ZCCHC7: variants seen among roughly 807,000 people sequenced by gnomAD.
ZCCHC7 encodes the protein zinc finger CCHC-type containing 7.
Under a neutral mutation model 52.0 loss-of-function variants are expected in ZCCHC7, and 35 were observed. That is an observed-to-expected ratio of 0.67 (90% CI 0.51 to 0.89). The LOEUF (loss-of-function observed/expected upper bound fraction) is 0.89. Among genes scored for constraint, ZCCHC7 ranks in the 40% least tolerant of loss-of-function variants. ZCCHC7 has a pLI of 0.00. For missense variants in ZCCHC7, 574 were observed against 649.1 expected (o/e 0.88, Z 1.26); for synonymous variants, 217 against 221.5 (o/e 0.98, Z 0.18).
At position 37,126,385 on chromosome 9, in the gene ZCCHC7, G is replaced by T; in HGVS notation, c.53G>T (p.Arg18Leu). The T allele has an allele frequency of 6.2e-7, 1 of 1,613,992 alleles. No individual in the cohort carries two copies. The highest frequency in any genetic ancestry group is 1.7e-5 in the Admixed American group (1 of 60,018). The change falls in exon 2 of 9, where the codon CGA becomes CTA. Residue 18 changes from arginine (R) to leucine (L), a missense_variant. This residue lies in a region of ZCCHC7 where 403 missense variants were observed against 461.2 expected (regional missense o/e 0.87). Transcript: ENST00000336755. ...TIEAYEDDLY[R>L]DESSSELSVD... ...GAAGCATACGAAGATGATCTTTATC[G>T]AGATGAGTCATCTAGTGAACTGAGT...
At chr9:37,252,540 A>G (rs919709112) in intron 2 of ZCCHC7, among the ~76,000 whole-genome samples, 2 of 152,224 alleles carry the variant, frequency 1.3e-5, no homozygotes, top group Admixed American at 1.3e-4. Flanking sequence ...GTCACATACA[A>G]AATGTAAACA....
chr9:37,227,049 A>G (rs1020469269), intron 2 of ZCCHC7, among the ~76,000 whole-genome samples: 2 of 148,776 alleles, frequency 1.3e-5, no homozygotes, highest in Middle Eastern at 3.4e-3. Flanking sequence ...AAAAAAAACC[A>G]GGATATCTGA....
chr9:37,137,042 A>G lies in ZCCHC7; in HGVS notation c.610+10100A>G, dbSNP rs186161968. On this transcript the variant is annotated intron_variant, in intron 2 of 8. Coordinates refer to ENST00000336755, the MANE Select transcript of ZCCHC7 (RefSeq NM_032226.3). ...TTGAACTTAATTCTGAAATCTTAAAATCTTTCCAAATATTATTTACTGGGT... is the reference window on the plus strand; with the variant it reads ...TTGAACTTAATTCTGAAATCTTAAAGTCTTTCCAAATATTATTTACTGGGT... 8.5e-5 allele frequency among the ~76,000 whole-genome samples: 13 copies of G among 152,306 alleles called. No individual in the cohort carries two copies. In the East Asian group the frequency reaches 2.3e-3, roughly 27 times the overall value.
chr9:37,218,624 C>A (rs1463982097), intron 2 of ZCCHC7, among the ~76,000 whole-genome samples: 1 of 152,110 alleles, frequency 6.6e-6, no homozygotes, highest in Non-Finnish European at 1.5e-5. Flanking sequence ...GCTTGGCCAA[C>A]ATGGTGAAAC....
chr9:37,181,502 TGTG>T (rs1416081654), intron 2 of ZCCHC7, among the ~76,000 whole-genome samples: 1 of 152,204 alleles, frequency 6.6e-6, no homozygotes, highest in Non-Finnish European at 1.5e-5. Flanking sequence ...ACATACAAAA[TGTG>T]GTATATTCTT....
Position 37,345,748 on chromosome 9 carries a change from G to A in ZCCHC7, c.988-3609G>A, listed in dbSNP as rs916767029. Among the ~76,000 whole-genome samples the A allele has an allele frequency of 2.7e-5, 4 of 150,942 alleles. No homozygotes were observed. In the East Asian group the frequency reaches 7.8e-4, roughly 29 times the overall value. ...AAAAAAAAAAAAACTCTTGTTTAAT[G>A]ACTTTTAGCTAGTCTTAATTTATGA... On this transcript the variant is annotated intron_variant, in intron 6 of 8. Coordinates refer to ENST00000336755, the MANE Select transcript of ZCCHC7 (RefSeq NM_032226.3).
At chr9:37,314,720 T>C (rs953912870) in intron 5 of ZCCHC7, among the ~76,000 whole-genome samples, 5 of 143,312 alleles carry the variant, frequency 3.5e-5, no homozygotes, top group African/African-American at 1.3e-4. Context: ...AAGTCCAACC[T>C]GGGCAACATA....
At chr9:37,134,341 G>T (rs993906176) in intron 2 of ZCCHC7, among the ~76,000 whole-genome samples, 2 of 151,990 alleles carry the variant, frequency 1.3e-5, no homozygotes, top group African/African-American at 4.8e-5. Context: ...TGCTTAACAT[G>T]TTCTACTGTC....
At chr9:37,320,506 A>T (rs1054208213) in intron 5 of ZCCHC7, among the ~76,000 whole-genome samples, 3 of 152,216 alleles carry the variant, frequency 2.0e-5, no homozygotes, top group Admixed American at 2.0e-4. Flanking sequence ...GTTGTGTTCC[A>T]GTCTATAGAC....
At chr9:37,247,300 T>G (rs1027465758) in intron 2 of ZCCHC7, among the ~76,000 whole-genome samples, 1 of 152,222 alleles carries the variant, frequency 6.6e-6, no homozygotes, top group Non-Finnish European at 1.5e-5. Context: ...CAAGTAACTT[T>G]CCTGAAGTCT....
intron 2 of ZCCHC7, among the ~76,000 whole-genome samples, chr9:37,233,936 T>C (rs879382076): frequency 1.6e-4 from 25 of 152,102 alleles, no homozygotes; most frequent in African/African-American, 2.9e-4. Context: ...TCACTGCAAC[T>C]TACACCTCAT....
chr9:37,235,462 C>T (rs1184052010), intron 2 of ZCCHC7, among the ~76,000 whole-genome samples: 1 of 148,612 alleles, frequency 6.7e-6, no homozygotes, highest in Non-Finnish European at 1.5e-5. Context: ...CCTTTCTTTC[C>T]TTCCTTTCCT....
intron 6 of ZCCHC7, among the ~76,000 whole-genome samples, chr9:37,340,132 T>C (rs1418816920): frequency 2.6e-5 from 4 of 152,170 alleles, no homozygotes; most frequent in African/African-American, 7.2e-5. Flanking sequence ...AAAAGGGTTA[T>C]GTAAAATGAC....
chr9:37,188,374 C>T (rs974366764), intron 2 of ZCCHC7, among the ~76,000 whole-genome samples: 29 of 151,726 alleles, frequency 1.9e-4, no homozygotes, highest in Admixed American at 1.5e-3. Flanking sequence ...AGTCTGGTCT[C>T]GAACTCCTGG....
chr9:37,165,800 A>C (rs2132942266), intron 2 of ZCCHC7, among the ~76,000 whole-genome samples: 1 of 152,322 alleles, frequency 6.6e-6, no homozygotes, highest in Admixed American at 6.5e-5. Flanking sequence ...CTGTTCTTGG[A>C]GTTATTTCTA....
At position 37,354,738 on chromosome 9, in the gene ZCCHC7, C is replaced by T. The variant is rs150280320; in HGVS notation, c.1112C>T (p.Pro371Leu). 80 of 1,612,692 alleles carry T rather than the reference C, an allele frequency of 5.0e-5. No homozygotes were observed. The highest frequency in any genetic ancestry group is 6.3e-5 in the Non-Finnish European group (74 of 1,179,030). ...HECPEREVYD[P>L]SPVSPFICYY... ...TGTCCAGAAAGAGAAGTGTATGACC[C>T]GTCTCCAGTATCTCCATTCATCTGC... The change falls in exon 8 of 9, where the codon CCG becomes CTG. Residue 371 changes from proline to leucine, a missense_variant. By Grantham distance (98) the Pro-to-Leu change is moderately conservative (BLOSUM62 -3). Around this residue, in one of 3 missense-constraint regions of ZCCHC7, gnomAD observed 403 missense variants for 461.2 expected, o/e 0.87. Transcript: ENST00000336755. This position sits in a 1 kb window ranked among gnomAD's most constrained non-coding sequence, Gnocchi z 4.0.
chr9:37,256,263 A>G (rs1826582279), intron 2 of ZCCHC7, among the ~76,000 whole-genome samples: 1 of 152,110 alleles, frequency 6.6e-6, no homozygotes, highest in Non-Finnish European at 1.5e-5. Context: ...CTTTCTTTAT[A>G]TACTAGCCAA....
At chr9:37,120,569 C>T (rs1028548191), upstream of ZCCHC7, 1 of 399,362 alleles carries the variant, frequency 2.5e-6, no homozygotes, top group Non-Finnish European at 4.4e-6. Flanking sequence ...CGCCCCTCCC[C>T]GTCCCTCTAC....
chr9:37,185,865 T>C (rs1822624383), intron 2 of ZCCHC7, among the ~76,000 whole-genome samples: 1 of 152,182 alleles, frequency 6.6e-6, no homozygotes, highest in South Asian at 2.1e-4. Context: ...TTGGATATGT[T>C]TTTGTGGGAG....
Sources: allele counts gnomAD v4.1 joint callset (sites outside exome capture counted in the v4.1 genomes callset), GRCh38; gene constraint gnomAD v4.1.1; regional missense constraint gnomAD v4.1.1; non-coding constraint Gnocchi (gnomAD v3.1); transcripts MANE v1.5; gene names NCBI Gene and HGNC (gene_info 2026-07-23, HGNC 2026-07-21).